LONP1: variants seen among roughly 807,000 people sequenced by gnomAD.
LONP1 encodes lon protease homolog, mitochondrial.
LONP1 carries 31 observed loss-of-function variants against 98.5 expected under a neutral mutation model. That is an observed-to-expected ratio of 0.31 (90% CI 0.24 to 0.42). LONP1 has a LOEUF of 0.42. Among genes scored for constraint, LONP1 ranks in the 20% least tolerant of loss-of-function variants. LONP1 has a pLI of 1.00. For synonymous variants in LONP1, 781 were observed against 594.7 expected (o/e 1.31, Z -4.56); for missense variants, 1,336 against 1,350.6 (o/e 0.99, Z 0.17).
chr19:5,712,998 C>A, intron 3 of LONP1, 136 bp downstream of exon 3: 1 of 1,208,062 alleles, frequency 8.3e-7, no homozygotes. Context: ...ACCCCCAGCT[C>A]TGGCCTCAGT....
At chr19:5,706,671 T>C (rs1362700628) in intron 7 of LONP1, among the ~76,000 whole-genome samples, 1 of 152,176 alleles carries the variant, frequency 6.6e-6, no homozygotes, top group African/African-American at 2.4e-5. Flanking sequence ...GGCTGTGATC[T>C]GCCGAAAATC....
intron 1 of LONP1, among the ~76,000 whole-genome samples, chr19:5,715,704 C>G (rs1307218284): frequency 7.5e-6 from 1 of 133,848 alleles, no homozygotes; most frequent in Non-Finnish European, 1.6e-5. Context: ...GCCACCCAGG[C>G]TGGAGTGCAC....
chr19:5,717,141 T>G (rs774973939), intron 1 of LONP1, among the ~76,000 whole-genome samples: 1 of 152,214 alleles, frequency 6.6e-6, no homozygotes, highest in Non-Finnish European at 1.5e-5. Flanking sequence ...CACTTATGAT[T>G]TATTCTTTAA....
intron 14 of LONP1, 84 bp downstream of exon 14, chr19:5,694,677 G>A: frequency 6.4e-7 from 1 of 1,566,508 alleles, no homozygotes; most frequent in Middle Eastern, 2.3e-4. Flanking sequence ...AGGAAAGTGG[G>A]ATGATGGGCA....
intron 10 of LONP1, among the ~76,000 whole-genome samples, chr19:5,697,292 C>T (rs192436475): frequency 2.1e-4 from 32 of 151,926 alleles, no homozygotes; most frequent in Admixed American, 1.8e-3. Flanking sequence ...GACTGAGATG[C>T]CACTGGGATG....
intron 2 of LONP1, 141 bp from the exon 3 acceptor site, chr19:5,713,394 C>T (rs1483030186): frequency 1.3e-5 from 14 of 1,043,966 alleles, no homozygotes; most frequent in South Asian, 2.8e-5. Context: ...CCTTGGCTCC[C>T]GCAGGAGCTC....
intron 8 of LONP1, among the ~76,000 whole-genome samples, chr19:5,704,936 G>A (rs1328349388): frequency 2.0e-5 from 3 of 152,188 alleles, no homozygotes; most frequent in Admixed American, 6.5e-5. Flanking sequence ...CAAGGTGGGC[G>A]GATCCCTTGA....
At chr19:5,719,617 AAC>A in intron 1 of LONP1, 85 bp downstream of exon 1, 1 of 1,597,830 alleles carries the variant, frequency 6.3e-7, no homozygotes, top group Non-Finnish European at 8.5e-7. Context: ...AAAGTTGCGA[AAC>A]ACAAGGGCGC....
intron 3 of LONP1, chr19:5,712,332 G>A (rs955229303): frequency 1.8e-4 from 54 of 300,680 alleles, no homozygotes; most frequent in Non-Finnish European, 2.9e-4. Context: ...CAGCCTGGCC[G>A]GGCACAGGCT....
rs771937836 is a variant in LONP1 at position 5,693,465 on chromosome 19, G to A, written c.2539-3C>T. 1.2e-6 allele frequency: 2 copies of A among 1,610,854 alleles called. No homozygotes were observed. The highest frequency in any genetic ancestry group is 2.2e-5 in the South Asian group (2 of 91,006). ...GGGCCGTCCTTGGGGGTGGCGCCCT[G>A]TGGAGGCATGTGGGGATAGTGGGTG... On this transcript the variant is annotated splice_region_variant and splice_polypyrimidine_tract_variant and intron_variant, in intron 16 of 17. Transcript: ENST00000360614.
intron 8 of LONP1, among the ~76,000 whole-genome samples, chr19:5,704,272 C>T (rs190531614): frequency 3.7e-4 from 56 of 152,318 alleles, no homozygotes; most frequent in African/African-American, 1.3e-3. Context: ...GGGACGGGCC[C>T]GGCCCACAGC....
chr19:5,705,758 G>A lies in LONP1; in HGVS notation c.1367+14C>T. The A allele has an allele frequency of 1.2e-6, 2 of 1,612,880 alleles. No individual in the cohort carries two copies. The highest frequency in any genetic ancestry group is 8.5e-7 in the Non-Finnish European group (1 of 1,179,524). Reference sequence around the variant, plus strand: ...GTCACCTGAGGGCTGGGCCGCCCCGGGCCTGGCACTCACTTGAACTCCGAG... The same window carrying A: ...GTCACCTGAGGGCTGGGCCGCCCCGAGCCTGGCACTCACTTGAACTCCGAG... On this transcript the variant is annotated intron_variant, in intron 8 of 17. Coordinates refer to ENST00000360614, the MANE Select transcript of LONP1 (RefSeq NM_004793.4).
At chr19:5,698,961 G>A (rs1230391181) in intron 10 of LONP1, 66 bp downstream of exon 10, 2 of 1,490,312 alleles carry the variant, frequency 1.3e-6, no homozygotes, top group Non-Finnish European at 1.8e-6. Context: ...AGGGTGACCG[G>A]AGAAGACGAA....
intron 2 of LONP1, 74 bp downstream of exon 2, chr19:5,714,109 T>C: frequency 1.7e-6 from 2 of 1,209,492 alleles, no homozygotes; most frequent in African/African-American, 3.0e-5. Context: ...AGGTGCAAAG[T>C]ACAGAGTAGG....
In LONP1 at chr19:5,711,845, G is replaced by A. The variant is rs373284466; in HGVS notation, c.796C>T (p.Leu266Phe). 1 of 1,612,868 alleles carries A rather than the reference G, an allele frequency of 6.2e-7. No homozygotes were observed. Among genetic ancestry groups the A allele is most frequent in the Non-Finnish European group, 8.5e-7 (1 of 1,179,998 alleles). The change falls in exon 4 of 18, where the codon CTC becomes TTC. Residue 266 changes from leucine to phenylalanine, a missense_variant. Physicochemically the swap from Leu to Phe is conservative, Grantham distance 22 (BLOSUM62 0). Transcript: ENST00000360614. ...TCCACCATGAGCACCTCAGCCGGGA[G>A]CTCAGGGGTGGGCTCCATCGCCAGC... is the stretch of plus-strand genomic sequence containing the variant. ...AELAMEPTPE[L>F]PAEVLMVEVE... is the part of the protein sequence containing the mutation.
At chr19:5,696,498 G>A in intron 11 of LONP1, 127 bp from the exon 12 acceptor site, 1 of 1,388,026 alleles carries the variant, frequency 7.2e-7, no homozygotes, top group Non-Finnish European at 9.8e-7. Flanking sequence ...GCCTTGGACG[G>A]GCAGCCTGCT....
At chr19:5,715,617 G>A (rs1350908311) in intron 1 of LONP1, among the ~76,000 whole-genome samples, 1 of 120,674 alleles carries the variant, frequency 8.3e-6, no homozygotes, top group East Asian at 2.5e-4. Context: ...ACTCCAGCCT[G>A]GGCGACAGAG....
At chr19:5,695,724 T>C (rs1355560623) in intron 13 of LONP1, among the ~76,000 whole-genome samples, 1 of 152,126 alleles carries the variant, frequency 6.6e-6, no homozygotes, top group Non-Finnish European at 1.5e-5. Context: ...GCCCCACTGC[T>C]TCCGGCTGCC....
intron 9 of LONP1, among the ~76,000 whole-genome samples, chr19:5,699,449 G>A (rs910444916): frequency 6.6e-5 from 10 of 152,248 alleles, no homozygotes; most frequent in Admixed American, 5.9e-4. Context: ...GCGGCCACCC[G>A]GCAGTGCCAG....
Sources: gnomAD v4.1 joint callset for allele counts (sites outside exome capture counted in the v4.1 genomes callset) on GRCh38, gnomAD v4.1.1 for gene constraint, MANE v1.5 for transcripts, NCBI Gene and HGNC (gene_info 2026-07-23, HGNC 2026-07-21) for gene names.